MITF: variants seen among roughly 807,000 people sequenced by gnomAD.
The protein encoded by MITF is melanocyte inducing transcription factor, also known as microphthalmia-associated transcription factor.
Under a neutral mutation model 60.5 loss-of-function variants are expected in MITF, and 17 were observed. The ratio of observed to expected loss-of-function variants is 0.28; its 90% CI spans 0.19 to 0.42. MITF has a LOEUF of 0.42. MITF is among the 10% of genes least tolerant of loss of function. The pLI, the probability that MITF is intolerant of heterozygous loss-of-function variation, is 1.00. For missense variants in MITF, 622 were observed against 683.5 expected, an observed-to-expected ratio of 0.91 and a Z score of 1.00; for synonymous variants, 260 against 248.5, an observed-to-expected ratio of 1.05 and a Z score of -0.43.
chr3:69,800,807 A>G (rs2062907618), intron 1 of MITF, among the ~76,000 whole-genome samples: 1 of 152,124 alleles, frequency 6.6e-6, no homozygotes, highest in African/African-American at 2.4e-5. Flanking sequence ...CCTCTGTAGC[A>G]CAGGGGAAAT....
At chr3:69,754,672 T>C (rs942692536) in intron 1 of MITF, among the ~76,000 whole-genome samples, 7 of 152,242 alleles carry the variant, frequency 4.6e-5, no homozygotes, top group African/African-American at 1.4e-4. Context: ...GTATTTTTTT[T>C]TGTAGCAGTG....
chr3:69,739,531 C>G lies in MITF; in HGVS notation c.-67C>G. The G allele has an allele frequency of 2.1e-6, 3 of 1,422,610 alleles. No individual in the cohort carries two copies. The highest frequency in any genetic ancestry group is 1.9e-6 in the Non-Finnish European group (2 of 1,030,062). 88.1% of individuals were successfully genotyped at this position (1,422,610 alleles called of 1,614,324 possible). A position where few individuals can be genotyped will look rare whatever the true frequency, so the allele number is the denominator to read the frequency against. On this transcript the variant is annotated 5_prime_UTR_variant, in exon 1 of 10. Coordinates refer to ENST00000352241, the MANE Select transcript of MITF (RefSeq NM_001354604.2). ...CACGGCTCGGGGGACCCAGGCCCAG[C>G]TACCTTCCCTCCGCCCCCGGGCTCT... is the stretch of plus-strand genomic sequence containing the variant.
Position 69,810,467 on chromosome 3 carries a change from C to T in MITF, c.105-68667C>T, listed in dbSNP as rs551566419. On this transcript the variant is annotated intron_variant, in intron 1 of 9. Coordinates refer to ENST00000352241, the MANE Select transcript of MITF (RefSeq NM_001354604.2). ...GGCAGTCCAGGGATTTATTTGATGG[C>T]GGTGTGCTCAGCTTTTGAAATTAAG... Among the ~76,000 whole-genome samples, 16 of 152,142 alleles carry T rather than the reference C, an allele frequency of 1.1e-4. 1 individual carries two copies. Among genetic ancestry groups the T allele is most frequent in the South Asian group, 8.3e-4 (4 of 4,816 alleles).
At position 69,950,487 on chromosome 3, in the gene MITF, T is replaced by TAC. The variant is rs1268124203; in HGVS notation, c.881-1313_881-1312dup. 1.6e-4 allele frequency among the ~76,000 whole-genome samples: 23 copies of TAC among 144,482 alleles called. No homozygotes were observed. In the East Asian group the frequency reaches 3.5e-3, roughly 22 times the overall value. The allele number at this position is 144,482 out of a possible 152,430, so 94.8% of individuals were successfully genotyped here. Reference sequence around the variant, plus strand: ...ATATATATATATATATGCACACACATACACACACACACATAGATATGCATA... The same window carrying TAC: ...ATATATATATATATATGCACACACATACACACACACACACATAGATATGCATA... On this transcript the variant is annotated intron_variant, in intron 6 of 9. Transcript: ENST00000352241.
At chr3:69,918,967 T>C (rs982754418) in intron 2 of MITF, among the ~76,000 whole-genome samples, 1 of 152,244 alleles carries the variant, frequency 6.6e-6, no homozygotes, top group Non-Finnish European at 1.5e-5. Flanking sequence ...TTTAGCCTTT[T>C]GTTATGTTTT....
chr3:69,840,694 A>G (rs867136415), intron 1 of MITF, among the ~76,000 whole-genome samples: 2 of 151,952 alleles, frequency 1.3e-5, no homozygotes, highest in Admixed American at 6.6e-5. Context: ...ATCATTTGTC[A>G]GTATTTCTCA....
At chr3:69,926,706 A>G (rs751037278) in intron 2 of MITF, among the ~76,000 whole-genome samples, 14 of 152,198 alleles carry the variant, frequency 9.2e-5, no homozygotes, top group Non-Finnish European at 1.8e-4. Context: ...GCCATTATAA[A>G]GGCACTATTG....
Position 69,839,343 on chromosome 3 carries a change from A to G in MITF, c.105-39791A>G, listed in dbSNP as rs181509622. Among the ~76,000 whole-genome samples the G allele has an allele frequency of 1.8e-4, 27 of 151,472 alleles. No individual in the cohort carries two copies. The East Asian group carries it at 2.9e-3, about 16-fold the overall frequency. ...CACTGGAAGATAAATGCCCCTTTTC[A>G]TTAACTATAGTATGAGGAACAAAAT... On this transcript the variant is annotated intron_variant, in intron 1 of 9. Transcript: ENST00000352241.
intron 1 of MITF, among the ~76,000 whole-genome samples, chr3:69,767,381 C>T (rs1294708743): frequency 6.6e-6 from 1 of 151,902 alleles, no homozygotes; most frequent in Non-Finnish European, 1.5e-5. Context: ...GTCAGGAGTT[C>T]GAGACCAGCC....
intron 1 of MITF, among the ~76,000 whole-genome samples, chr3:69,857,131 T>C (rs2063932207): frequency 2.0e-5 from 3 of 152,214 alleles, no homozygotes. Context: ...CATGCCTTTA[T>C]GGAATTCAGA....
intron 1 of MITF, among the ~76,000 whole-genome samples, chr3:69,852,430 T>C (rs569390094): frequency 1.3e-5 from 2 of 152,340 alleles, no homozygotes; most frequent in East Asian, 3.9e-4. Flanking sequence ...ATACAGCATG[T>C]ACTCTCATAT....
At chr3:69,881,815 T>A (rs917855025) in intron 2 of MITF, among the ~76,000 whole-genome samples, 1 of 152,130 alleles carries the variant, frequency 6.6e-6, no homozygotes, top group African/African-American at 2.4e-5. Flanking sequence ...ATGATACAGA[T>A]TATATTGAAT....
chr3:69,798,681 C>A (rs1344778587), intron 1 of MITF, among the ~76,000 whole-genome samples: 1 of 152,234 alleles, frequency 6.6e-6, no homozygotes, highest in Non-Finnish European at 1.5e-5. Flanking sequence ...AATGGTCTGG[C>A]CTTTGCCAAC....
chr3:69,924,126 A>C (rs1390845404), intron 2 of MITF, among the ~76,000 whole-genome samples: 1 of 152,214 alleles, frequency 6.6e-6, no homozygotes, highest in Non-Finnish European at 1.5e-5. Flanking sequence ...TTTTTAAAAA[A>C]TGTTTCATTT....
At chr3:69,823,237 T>C (rs2063304419) in intron 1 of MITF, among the ~76,000 whole-genome samples, 1 of 152,204 alleles carries the variant, frequency 6.6e-6, no homozygotes, top group South Asian at 2.1e-4. Flanking sequence ...GTTGCTTGTA[T>C]GCAGCATATA....
chr3:69,967,668 C>T lies in MITF; in HGVS notation c.*2420C>T, dbSNP rs928384819. On this transcript the variant is annotated 3_prime_UTR_variant, in exon 10 of 10. Coordinates refer to ENST00000352241, the MANE Select transcript of MITF (RefSeq NM_001354604.2). ...CTTAAGAGACAATTTCTGCAGGTGGCAGGTGAGCAAGCCCAGGAGAATGCT... is the reference window on the plus strand; with the variant it reads ...CTTAAGAGACAATTTCTGCAGGTGGTAGGTGAGCAAGCCCAGGAGAATGCT... The T allele has an allele frequency of 4.3e-6, 1 of 233,032 alleles. No individual in the cohort carries two copies. Among genetic ancestry groups the T allele is most frequent in the Non-Finnish European group, 8.5e-6 (1 of 117,904 alleles). 14.4% of individuals were successfully genotyped at this position (233,032 alleles called of 1,614,324 possible). A position where few individuals can be genotyped will look rare whatever the true frequency, so the allele number is the denominator to read the frequency against.
chr3:69,822,454 A>G (rs1349011987), intron 1 of MITF, among the ~76,000 whole-genome samples: 1 of 152,186 alleles, frequency 6.6e-6, no homozygotes, highest in Non-Finnish European at 1.5e-5. Context: ...TATTTATTCC[A>G]TTCCTGGCAC....
At chr3:69,779,832 C>T (rs930452990) in intron 1 of MITF, among the ~76,000 whole-genome samples, 4 of 152,020 alleles carry the variant, frequency 2.6e-5, no homozygotes, top group Non-Finnish European at 4.4e-5. Context: ...AATTCACAAC[C>T]GGTAAATCAA....
At chr3:69,823,019 C>T (rs1255278635) in intron 1 of MITF, among the ~76,000 whole-genome samples, 1 of 151,890 alleles carries the variant, frequency 6.6e-6, no homozygotes, top group Non-Finnish European at 1.5e-5. Flanking sequence ...GCTGGGATTA[C>T]AGGTGCATGC....
Sources: allele counts gnomAD v4.1 joint callset (sites outside exome capture counted in the v4.1 genomes callset), GRCh38; gene constraint gnomAD v4.1.1; transcripts MANE v1.5; gene names NCBI Gene and HGNC (gene_info 2026-07-23, HGNC 2026-07-21).